VEGFC: variants seen among roughly 807,000 people sequenced by gnomAD.
VEGFC encodes vascular endothelial growth factor C.
Under a neutral mutation model 46.1 loss-of-function variants are expected in VEGFC, and 12 were observed. The observed-to-expected ratio is 0.26, with a 90% CI of 0.17 to 0.42. The LOEUF (loss-of-function observed/expected upper bound fraction) is 0.42. Ranked by LOEUF, VEGFC falls within the 10% of genes least tolerant of loss-of-function variation. The pLI, the probability that VEGFC is intolerant of heterozygous loss-of-function variation, is 1.00. For synonymous variants in VEGFC, 232 were observed against 195.5 expected (o/e 1.19, Z -1.56); for missense variants, 488 against 529.4 (o/e 0.92, Z 0.77).
chr4:176,749,895 T>C (rs994827928), intron 1 of VEGFC, among the ~76,000 whole-genome samples: 10 of 151,840 alleles, frequency 6.6e-5, no homozygotes, highest in Admixed American at 2.6e-4. Context: ...ATGTACTATA[T>C]TCTATAACAT....
intron 6 of VEGFC, among the ~76,000 whole-genome samples, chr4:176,685,926 A>G (rs1042560655): frequency 5.3e-5 from 8 of 152,192 alleles, no homozygotes; most frequent in Non-Finnish European, 1.0e-4. Context: ...TAAAATAAGG[A>G]CACAAAACTC....
intron 1 of VEGFC, among the ~76,000 whole-genome samples, chr4:176,740,841 T>A (rs1413067965): frequency 6.6e-6 from 1 of 151,832 alleles, no homozygotes; most frequent in African/African-American, 2.4e-5. Flanking sequence ...CAGTTTTATA[T>A]ATGTAGAACC....
intron 1 of VEGFC, among the ~76,000 whole-genome samples, chr4:176,762,475 C>T (rs778946779): frequency 3.3e-4 from 51 of 152,270 alleles, no homozygotes; most frequent in Admixed American, 7.2e-4. Context: ...CCTGACCTGC[C>T]AGCAACTTGA....
At chr4:176,790,634 T>C (rs1310698156) in intron 1 of VEGFC, among the ~76,000 whole-genome samples, 1 of 152,188 alleles carries the variant, frequency 6.6e-6, no homozygotes, top group Non-Finnish European at 1.5e-5. Context: ...TTTCTCATTT[T>C]ACTCTCTACT....
chr4:176,785,494 T>G, intron 1 of VEGFC, among the ~76,000 whole-genome samples: 1 of 152,268 alleles, frequency 6.6e-6, no homozygotes, highest in East Asian at 1.9e-4. Context: ...AAAAACCTTT[T>G]ATAAGAACAG....
intron 3 of VEGFC, among the ~76,000 whole-genome samples, chr4:176,726,447 G>A (rs1579108226): frequency 6.6e-6 from 1 of 152,002 alleles, no homozygotes; most frequent in African/African-American, 2.4e-5. Context: ...TGAGGCAGAG[G>A]CAAGCTGAAT....
chr4:176,749,382 G>A lies in VEGFC; in HGVS notation c.148-19636C>T, dbSNP rs1357052362. Among the ~76,000 whole-genome samples, 12 of 151,828 alleles carry A rather than the reference G, an allele frequency of 7.9e-5. No homozygotes were observed. In the East Asian group the frequency reaches 1.4e-3, roughly 17 times the overall value. ...GAGATTATTTATTCACAAATACTTC[G>A]ATATGCTCCTTTCATTCCAAGTTAT... is the stretch of plus-strand genomic sequence containing the variant. On this transcript the variant is annotated intron_variant, in intron 1 of 6. Coordinates refer to ENST00000618562, the MANE Select transcript of VEGFC (RefSeq NM_005429.5).
chr4:176,788,378 G>T (rs554415056), intron 1 of VEGFC, among the ~76,000 whole-genome samples: 3 of 152,192 alleles, frequency 2.0e-5, no homozygotes, highest in Non-Finnish European at 4.4e-5. Context: ...AAAGTCACAC[G>T]CAGTGCTTTT....
intron 1 of VEGFC, among the ~76,000 whole-genome samples, chr4:176,732,761 T>C (rs1734989057): frequency 6.6e-6 from 1 of 151,576 alleles, no homozygotes; most frequent in Admixed American, 6.6e-5. Flanking sequence ...TTTGTGATCA[T>C]AGATGAAGCA....
intron 1 of VEGFC, among the ~76,000 whole-genome samples, chr4:176,781,606 T>C (rs941509104): frequency 3.9e-5 from 6 of 152,224 alleles, no homozygotes; most frequent in African/African-American, 1.4e-4. Context: ...ACAGGATTCA[T>C]GGCAGCTGTG....
rs1303708306 is a variant in VEGFC at position 176,697,006 on chromosome 4, C to T, written c.705-9079G>A. Among the ~76,000 whole-genome samples the T allele has an allele frequency of 6.8e-4, 102 of 150,620 alleles. 1 individual carries two copies. The highest frequency in any genetic ancestry group is 2.2e-3 in the African/African-American group (88 of 40,526). On this transcript the variant is annotated intron_variant, in intron 4 of 6. Coordinates refer to ENST00000618562, the MANE Select transcript of VEGFC (RefSeq NM_005429.5). The stretch of plus-strand genomic sequence containing the variant: ...GTTCAAGATGGATTAAAGACTTAAA[C>T]GTTAGACCTAAAACCATAAAAACCC...
intron 3 of VEGFC, among the ~76,000 whole-genome samples, chr4:176,713,727 C>G (rs1734654197): frequency 6.6e-6 from 1 of 152,008 alleles, no homozygotes; most frequent in South Asian, 2.1e-4. Context: ...AAACCTGGGG[C>G]ACAGGAACAT....
At chr4:176,779,086 T>C (rs978703488) in intron 1 of VEGFC, among the ~76,000 whole-genome samples, 7 of 152,168 alleles carry the variant, frequency 4.6e-5, no homozygotes, top group African/African-American at 1.4e-4. Context: ...TACTAAGTTT[T>C]TCAAGCCATA....
At chr4:176,687,731 T>G (rs1340458221) in intron 5 of VEGFC, 90 bp downstream of exon 5, 9 of 1,072,300 alleles carry the variant, frequency 8.4e-6, no homozygotes, top group Non-Finnish European at 9.5e-6. Flanking sequence ...AGAAGAATGA[T>G]GAATATTATA....
chr4:176,784,821 AAAAAATT>A (rs1033374965), intron 1 of VEGFC, among the ~76,000 whole-genome samples: 4 of 152,034 alleles, frequency 2.6e-5, no homozygotes, highest in African/African-American at 7.2e-5. Context: ...AAAGAAAAAG[AAAAAATT>A]AAAAATTAAA....
At chr4:176,715,246 C>G (rs1449306059) in intron 3 of VEGFC, among the ~76,000 whole-genome samples, 1 of 152,106 alleles carries the variant, frequency 6.6e-6, no homozygotes, top group Non-Finnish European at 1.5e-5. Context: ...TCAAAAGGAA[C>G]AGAGATTGAA....
At chr4:176,736,951 A>G (rs1735064660) in intron 1 of VEGFC, among the ~76,000 whole-genome samples, 1 of 151,300 alleles carries the variant, frequency 6.6e-6, no homozygotes, top group East Asian at 1.9e-4. Context: ...TTTTTAAGTA[A>G]TGATCCTTCC....
intron 3 of VEGFC, among the ~76,000 whole-genome samples, chr4:176,721,046 T>C (rs1376908844): frequency 3.3e-5 from 5 of 151,564 alleles, no homozygotes; most frequent in Admixed American, 1.3e-4. Context: ...TGTAGGGAGA[T>C]GTTTCAAACA....
intron 1 of VEGFC, among the ~76,000 whole-genome samples, chr4:176,777,289 C>G (rs1257946976): frequency 6.6e-6 from 1 of 152,196 alleles, no homozygotes; most frequent in Non-Finnish European, 1.5e-5. Flanking sequence ...TGCACTCCAG[C>G]CTGGCCGAGA....
Sources: allele counts gnomAD v4.1 joint callset (sites outside exome capture counted in the v4.1 genomes callset), GRCh38; gene constraint gnomAD v4.1.1; transcripts MANE v1.5; gene names NCBI Gene and HGNC (gene_info 2026-07-23, HGNC 2026-07-21).